GRIP1: variants seen among roughly 807,000 people sequenced by gnomAD.
GRIP1 encodes the protein glutamate receptor interacting protein 1.
Under a neutral mutation model 129.9 loss-of-function variants are expected in GRIP1, and 45 were observed. The ratio of observed to expected loss-of-function variants is 0.35; its 90% confidence interval spans 0.27 to 0.44. The LOEUF is 0.44. GRIP1 is among the 20% of genes least tolerant of loss of function. The pLI is 1.00. For missense variants in GRIP1, 1,196 were observed against 1,396.8 expected, an observed-to-expected ratio of 0.86 and a Z score of 2.29; for synonymous variants, 530 against 520.8, an observed-to-expected ratio of 1.02 and a Z score of -0.24.
intron 1 of GRIP1, among the ~76,000 whole-genome samples, chr12:66,655,688 C>T (rs2033111215): frequency 6.7e-6 from 1 of 149,112 alleles, no homozygotes; most frequent in Admixed American, 6.7e-5. Context: ...TGGCTCACTG[C>T]AAGCTCCGCC....
chr12:66,557,582 A>C (rs961159823), intron 2 of GRIP1, among the ~76,000 whole-genome samples: 1 of 152,180 alleles, frequency 6.6e-6, no homozygotes, highest in Non-Finnish European at 1.5e-5. Flanking sequence ...ACAAATCTCT[A>C]AAAATTCCAA....
intron 5 of GRIP1, among the ~76,000 whole-genome samples, chr12:66,526,132 C>A (rs1225303417): frequency 6.6e-6 from 1 of 151,602 alleles, no homozygotes; most frequent in East Asian, 1.9e-4. Flanking sequence ...CAATGCCATC[C>A]CCAACAAGCT....
At chr12:66,679,444 C>CAAAAAA (rs10691128), upstream of GRIP1, among the ~76,000 whole-genome samples, 27 of 117,410 alleles carry the variant, frequency 2.3e-4, no homozygotes, top group African/African-American at 8.4e-4. Flanking sequence ...AAACAACAAC[C>CAAAAAA]AAAAAAAAAA....
intron 11 of GRIP1, among the ~76,000 whole-genome samples, chr12:66,453,051 C>T (rs1401697720): frequency 6.6e-6 from 1 of 152,132 alleles, no homozygotes; most frequent in African/African-American, 2.4e-5. Flanking sequence ...ACAGCAAACA[C>T]AAACAACTAG....
At chr12:66,692,422 G>A (rs1297093304) in intron 1 of GRIP1, among the ~76,000 whole-genome samples, 1 of 152,108 alleles carries the variant, frequency 6.6e-6, no homozygotes, top group Non-Finnish European at 1.5e-5. Flanking sequence ...ACAACTCTTT[G>A]ATTGCTGTGA....
At chr12:66,725,370 TAAACAC>T (rs2036220061) in intron 1 of GRIP1, among the ~76,000 whole-genome samples, 1 of 151,670 alleles carries the variant, frequency 6.6e-6, no homozygotes, top group Non-Finnish European at 1.5e-5. Context: ...AATGTAATGA[TAAACAC>T]TAACAAAATT....
rs1407855106 is a variant in GRIP1 at position 66,636,023 on chromosome 12, G to A, written c.56-39096C>T. Among the ~76,000 whole-genome samples the A allele has an allele frequency of 5.9e-5, 9 of 152,272 alleles. No individual in the cohort carries two copies. The East Asian group carries it at 1.7e-3, about 29-fold the overall frequency. On this transcript the variant is annotated intron_variant, in intron 1 of 24. Coordinates refer to ENST00000359742, the MANE Select transcript of GRIP1 (RefSeq NM_001366722.1). The stretch of plus-strand genomic sequence containing the variant: ...GCAACCCTACTGTCGACAGATGGAT[G>A]AATGGATAAACAAAATATTCTGTTT...
chr12:67,024,100 G>A (rs917730844), intron 1 of GRIP1, among the ~76,000 whole-genome samples: 3 of 151,354 alleles, frequency 2.0e-5, no homozygotes, highest in Non-Finnish European at 4.4e-5. Flanking sequence ...GTTCACACTT[G>A]GGGATCTTTG....
Position 66,968,458 on chromosome 12 carries a change from C to A in GRIP1, c.58+100592G>T, listed in dbSNP as rs558521245. On this transcript the variant is annotated intron_variant, in intron 1 of 1. Transcript: ENST00000643019. ...TAATTCTCCCCTCTTGTTCTTCTTT[C>A]TCCCGTTTTAATTGAGCGTTTTATA... Among the ~76,000 whole-genome samples the A allele has an allele frequency of 7.9e-5, 12 of 151,992 alleles. No individual in the cohort carries two copies. The South Asian group carries it at 1.9e-3, about 24-fold the overall frequency.
chr12:66,830,265 G>C (rs1453101538), intron 1 of GRIP1, among the ~76,000 whole-genome samples: 1 of 152,156 alleles, frequency 6.6e-6, no homozygotes, highest in Non-Finnish European at 1.5e-5. Context: ...CATGGTAAAA[G>C]GGACTTGTAG....
intron 1 of GRIP1, among the ~76,000 whole-genome samples, chr12:66,970,802 C>T (rs1329540178): frequency 6.6e-6 from 1 of 152,136 alleles, no homozygotes; most frequent in Non-Finnish European, 1.5e-5. Context: ...TTCCTCCTTC[C>T]TTAGTTGACA....
rs567164900 is a variant in GRIP1, at chr12:66,838,906, C to T, written c.58+230144G>A. Among the ~76,000 whole-genome samples the T allele has an allele frequency of 1.2e-4, 18 of 152,188 alleles. No homozygotes were observed. The South Asian group carries it at 3.3e-3, about 28-fold the overall frequency. ...TCTATGTAGCCAATTTTAAACTTAG[C>T]GCTGAAAAAGACATTTTAAAGGGCA... On this transcript the variant is annotated intron_variant, in intron 1 of 1. Transcript: ENST00000643019.
intron 2 of GRIP1, among the ~76,000 whole-genome samples, chr12:66,548,820 A>G (rs2062031126): frequency 6.6e-6 from 1 of 152,122 alleles, no homozygotes; most frequent in Non-Finnish European, 1.5e-5. Flanking sequence ...CACACTATAT[A>G]ATGTCATATA....
At chr12:66,953,554 A>C (rs551179937) in intron 1 of GRIP1, among the ~76,000 whole-genome samples, 1 of 152,266 alleles carries the variant, frequency 6.6e-6, no homozygotes, top group African/African-American at 2.4e-5. Flanking sequence ...TATCCTTGAG[A>C]CATCTGGAAA....
At chr12:66,743,478 G>A (rs1049859044) in intron 1 of GRIP1, among the ~76,000 whole-genome samples, 2 of 152,104 alleles carry the variant, frequency 1.3e-5, no homozygotes, top group East Asian at 1.9e-4. Context: ...AATTAGATCC[G>A]TGGATCAAGA....
At chr12:66,366,306 G>C (rs2055141028) in intron 23 of GRIP1, among the ~76,000 whole-genome samples, 1 of 152,194 alleles carries the variant, frequency 6.6e-6, no homozygotes, top group African/African-American at 2.4e-5. Context: ...CTGACTCAGA[G>C]AGATATTGCA....
chr12:66,821,375 A>C (rs1365809143), intron 1 of GRIP1, among the ~76,000 whole-genome samples: 1 of 152,214 alleles, frequency 6.6e-6, no homozygotes, highest in African/African-American at 2.4e-5. Context: ...TGGATGACTA[A>C]AGATCTTCAT....
At chr12:67,062,275 T>C (rs1475552425) in intron 1 of GRIP1, among the ~76,000 whole-genome samples, 2 of 152,186 alleles carry the variant, frequency 1.3e-5, no homozygotes, top group Non-Finnish European at 1.5e-5. Flanking sequence ...TCCAGCTCCA[T>C]TCCTCATCCC....
At chr12:66,450,614 TTA>T (rs1183970074) in intron 11 of GRIP1, among the ~76,000 whole-genome samples, 2 of 151,814 alleles carry the variant, frequency 1.3e-5, no homozygotes, top group African/African-American at 4.8e-5. Context: ...GGTTTTATAA[TTA>T]GTTATAATTT....
Sources: allele counts gnomAD v4.1 joint callset (sites outside exome capture counted in the v4.1 genomes callset), GRCh38; gene constraint gnomAD v4.1.1; transcripts MANE v1.5; gene names NCBI Gene and HGNC (gene_info 2026-07-23, HGNC 2026-07-21).